MROH9: variants seen among roughly 807,000 people sequenced by gnomAD.
MROH9 encodes the protein maestro heat-like repeat-containing protein family member 9.
A neutral mutation model predicts 98.2 loss-of-function variants in MROH9; 92 were observed. That is an observed-to-expected ratio of 0.94 (90% confidence interval 0.79 to 1.11). The LOEUF (loss-of-function observed/expected upper bound fraction) is 1.11. Ranked by LOEUF, MROH9 falls within the 50% of genes most tolerant of loss-of-function variation. The pLI is 0.00. For missense variants in MROH9, 1,057 were observed against 1,014.8 expected (o/e 1.04, Z -0.57); for synonymous variants, 397 against 368.9 (o/e 1.08, Z -0.87).
At chr1:171,013,765 A>C (rs1203661261) in intron 15 of MROH9, among the ~76,000 whole-genome samples, 2 of 152,048 alleles carry the variant, frequency 1.3e-5, no homozygotes, top group Non-Finnish European at 2.9e-5. Context: ...CTCTTAGCAT[A>C]TGTAGACATA....
At position 170,958,454 on chromosome 1, in the gene MROH9, T is replaced by G; in HGVS notation, c.73-7T>G. On this transcript the variant is annotated splice_region_variant and splice_polypyrimidine_tract_variant and intron_variant, in intron 3 of 21. Transcript: ENST00000367759. The stretch of plus-strand genomic sequence containing the variant: ...CTTTTTTTTTTTTTTTTTAACATGG[T>G]ACTTAGGCACATAAAGTTAACAGCC... 6.6e-7 allele frequency: 1 copy of G among 1,505,062 alleles called. No individual in the cohort carries two copies. Among genetic ancestry groups the G allele is most frequent in the Non-Finnish European group, 9.1e-7 (1 of 1,096,292 alleles). The allele number at this position is 1,505,062 out of a possible 1,614,324, so 93.2% of individuals were successfully genotyped here. A position where few individuals can be genotyped will look rare whatever the true frequency, so the allele number is the denominator to read the frequency against.
chr1:170,986,525 A>G, intron 9 of MROH9, 36 bp from the exon 10 acceptor site: 1 of 1,593,588 alleles, frequency 6.3e-7, no homozygotes, highest in Non-Finnish European at 8.6e-7. Flanking sequence ...TGGTGTGAGT[A>G]AGGCCTGAGG....
chr1:170,996,732 G>A (rs1448519990), intron 14 of MROH9, 88 bp downstream of exon 14: 2 of 1,274,808 alleles, frequency 1.6e-6, no homozygotes, highest in Non-Finnish European at 2.2e-6. Flanking sequence ...AACAAGATAG[G>A]CATCTATTCC....
At chr1:171,057,973 A>AC (rs1246866809) in intron 20 of MROH9, among the ~76,000 whole-genome samples, 6 of 152,102 alleles carry the variant, frequency 3.9e-5, no homozygotes, top group Non-Finnish European at 8.8e-5. Context: ...ATGGGGGGAA[A>AC]AAAACACCAA....
chr1:170,960,130 A>G (rs1032277066), intron 5 of MROH9, among the ~76,000 whole-genome samples: 10 of 152,348 alleles, frequency 6.6e-5, no homozygotes, highest in Non-Finnish European at 1.3e-4. Context: ...AAGAGCTTCT[A>G]TACACATCTC....
At chr1:170,944,042 G>A (rs1182386368) in intron 1 of MROH9, among the ~76,000 whole-genome samples, 1 of 151,902 alleles carries the variant, frequency 6.6e-6, no homozygotes, top group Non-Finnish European at 1.5e-5. Context: ...AAGATAAGGG[G>A]AAAGTTAATA....
intron 8 of MROH9, among the ~76,000 whole-genome samples, chr1:170,979,535 TA>T (rs1373954177): frequency 6.6e-6 from 1 of 152,182 alleles, no homozygotes; most frequent in Non-Finnish European, 1.5e-5. Flanking sequence ...CCAAAGTGAG[TA>T]ACAGAACTAT....
At chr1:171,032,707 T>G (rs1652963690) in intron 20 of MROH9, among the ~76,000 whole-genome samples, 1 of 152,132 alleles carries the variant, frequency 6.6e-6, no homozygotes, top group African/African-American at 2.4e-5. Flanking sequence ...AGGATCGCTC[T>G]TGTATAGGGT....
intron 12 of MROH9, among the ~76,000 whole-genome samples, chr1:170,992,841 A>C (rs942510453): frequency 6.6e-6 from 1 of 152,170 alleles, no homozygotes; most frequent in Non-Finnish European, 1.5e-5. Context: ...ATAGGAGATG[A>C]TATGAGAGAA....
intron 8 of MROH9, among the ~76,000 whole-genome samples, chr1:170,976,279 G>A (rs1423007790): frequency 6.6e-6 from 1 of 152,126 alleles, no homozygotes; most frequent in Non-Finnish European, 1.5e-5. Context: ...TGCTGTGACT[G>A]GTACTGGTCT....
At chr1:171,007,310 T>C (rs1486875586) in intron 15 of MROH9, among the ~76,000 whole-genome samples, 2 of 152,146 alleles carry the variant, frequency 1.3e-5, no homozygotes, top group African/African-American at 2.4e-5. Context: ...TCAGTAGTGT[T>C]GTCTCTGGAA....
At chr1:171,048,196 G>T (rs1028012045) in intron 20 of MROH9, among the ~76,000 whole-genome samples, 1 of 152,124 alleles carries the variant, frequency 6.6e-6, no homozygotes, top group Non-Finnish European at 1.5e-5. Context: ...TCTACAATTG[G>T]CATGTGGCAA....
intron 13 of MROH9, among the ~76,000 whole-genome samples, 179 bp from the exon 14 acceptor site, chr1:170,996,327 CT>C (rs544525877): frequency 2.4e-4 from 37 of 152,294 alleles, no homozygotes; most frequent in Admixed American, 1.8e-3. Flanking sequence ...AATTTAACCC[CT>C]ATCCCATGTA....
At chr1:171,010,967 T>C (rs1042202058) in intron 15 of MROH9, among the ~76,000 whole-genome samples, 2 of 152,232 alleles carry the variant, frequency 1.3e-5, no homozygotes, top group African/African-American at 4.8e-5. Context: ...ATTTGTCAAT[T>C]GTGGCTTTTG....
intron 20 of MROH9, among the ~76,000 whole-genome samples, chr1:171,036,528 G>T (rs1453298022): frequency 1.3e-5 from 2 of 151,910 alleles, no homozygotes; most frequent in African/African-American, 4.8e-5. Flanking sequence ...CTATAAATCT[G>T]TAATACCATT....
chr1:170,998,227 C>T lies in MROH9; in HGVS notation c.1549C>T (p.Pro517Ser), dbSNP rs917736385. The part of the protein sequence containing the change: ...SYLYKLSVEG[P>S]RRSEDTVIVL... ...TCTCTATAAGCTCTCAGTAGAAGGT[C>T]CTAGAAGGTCAGAAGACACTGTCAT... The change falls in exon 15 of 22, where the codon CCT (proline) becomes TCT (serine). Residue 517 changes from proline to serine, a missense_variant. Pro to Ser is a moderately conservative substitution (Grantham distance 74). Transcript: ENST00000367759. The T allele has an allele frequency of 2.5e-6, 4 of 1,613,308 alleles. No homozygotes were observed. Among genetic ancestry groups the T allele is most frequent in the Non-Finnish European group, 3.4e-6 (4 of 1,179,524 alleles).
chr1:171,027,322 G>C (rs1652748817), intron 20 of MROH9, among the ~76,000 whole-genome samples: 1 of 152,090 alleles, frequency 6.6e-6, no homozygotes, highest in South Asian at 2.1e-4. Flanking sequence ...TTCTGTTCCT[G>C]TATTAGTTTG....
rs191150366 is a variant in MROH9, at chr1:171,011,884, T to G, written c.1597-2233T>G. Among the ~76,000 whole-genome samples, 506 of 152,202 alleles carry G rather than the reference T, an allele frequency of 3.3e-3. 12 individuals are homozygous for G. In the East Asian group the frequency reaches 0.057, roughly 17 times the overall value. ...GCAATAGGCTTATTAATTCTATTGT[T>G]TTTTTTGTTTCCTAATACAATGATT... On this transcript the variant is annotated intron_variant, in intron 15 of 21. Transcript: ENST00000367759.
chr1:170,956,440 T>C (rs1365292083), intron 3 of MROH9, among the ~76,000 whole-genome samples: 1 of 152,158 alleles, frequency 6.6e-6, no homozygotes, highest in Non-Finnish European at 1.5e-5. Context: ...ATTCTACCCA[T>C]CCATGAGCAT....
Sources: gnomAD v4.1 joint callset for allele counts (sites outside exome capture counted in the v4.1 genomes callset) on GRCh38, gnomAD v4.1.1 for gene constraint, MANE v1.5 for transcripts, NCBI Gene and HGNC (gene_info 2026-07-23, HGNC 2026-07-21) for gene names.